The following EYA2 variants were observed in gnomAD, a reference collection of about 807,000 sequenced individuals.
The protein encoded by EYA2 is protein phosphatase EYA2.
EYA2 carries 31 observed loss-of-function variants against 69.2 expected under a neutral mutation model. The observed-to-expected ratio is 0.45, with a 90% CI of 0.34 to 0.60. EYA2 has a LOEUF of 0.60. EYA2 is among the 20% of genes least tolerant of loss of function. EYA2 has a pLI of 0.02. For missense variants in EYA2, 622 were observed against 701.2 expected (o/e 0.89, Z 1.28); for synonymous variants, 257 against 279.4 (o/e 0.92, Z 0.80).
At chr20:46,955,209 T>C (rs1979048515) in intron 1 of EYA2, among the ~76,000 whole-genome samples, 1 of 151,116 alleles carries the variant, frequency 6.6e-6, no homozygotes, top group African/African-American at 2.4e-5. Context: ...CGATCTCGGC[T>C]CACCGCAGCC....
At chr20:47,102,263 C>T (rs1325232054) in intron 9 of EYA2, among the ~76,000 whole-genome samples, 1 of 152,216 alleles carries the variant, frequency 6.6e-6, no homozygotes, top group Non-Finnish European at 1.5e-5. Context: ...ATGCCAACCT[C>T]TGTAGCTCTG....
intron 9 of EYA2, among the ~76,000 whole-genome samples, chr20:47,104,531 C>T (rs1007832530): frequency 1.3e-5 from 2 of 152,106 alleles, no homozygotes; most frequent in African/African-American, 4.8e-5. Context: ...AGATTTACTC[C>T]TGCACTTTTT....
At chr20:47,059,243 A>G (rs879834833) in intron 5 of EYA2, among the ~76,000 whole-genome samples, 17 of 152,254 alleles carry the variant, frequency 1.1e-4, no homozygotes, top group Admixed American at 6.5e-4. Context: ...TTCCTGGGAC[A>G]TAAAGAATCC....
intron 5 of EYA2, among the ~76,000 whole-genome samples, chr20:47,030,868 C>T (rs778835813): frequency 8.5e-5 from 13 of 152,188 alleles, no homozygotes; most frequent in Admixed American, 2.6e-4. Context: ...GCGATCCTCT[C>T]GTCTCAGCCT....
chr20:47,016,608 C>G (rs112627926), intron 5 of EYA2, among the ~76,000 whole-genome samples: 22 of 152,176 alleles, frequency 1.4e-4, no homozygotes, highest in African/African-American at 5.3e-4. Context: ...AGATTTGTGA[C>G]TTTAGATCAA....
chr20:47,172,619 C>T (rs2034343631), intron 11 of EYA2, 88 bp from the exon 12 acceptor site: 24 of 1,445,784 alleles, frequency 1.7e-5, no homozygotes, highest in Non-Finnish European at 1.9e-5. Flanking sequence ...AAAGCCCACC[C>T]GTGGGTCCCA....
intron 5 of EYA2, among the ~76,000 whole-genome samples, chr20:47,067,840 C>T (rs2146465350): frequency 6.6e-6 from 1 of 152,268 alleles, no homozygotes; most frequent in Middle Eastern, 3.4e-3. Context: ...GGTTTTCCTT[C>T]ATTCGAGGAT....
chr20:47,132,773 G>GTATAA (rs759982701), intron 9 of EYA2, among the ~76,000 whole-genome samples: 2 of 152,240 alleles, frequency 1.3e-5, no homozygotes, highest in Non-Finnish European at 2.9e-5. Flanking sequence ...GGCAATGCTT[G>GTATAA]TATAAGGGAG....
chr20:47,068,594 G>A (rs1327199999), intron 5 of EYA2, among the ~76,000 whole-genome samples: 1 of 152,200 alleles, frequency 6.6e-6, no homozygotes, highest in Admixed American at 6.5e-5. Flanking sequence ...CAGACTCTCT[G>A]TGGGAAGGGC....
intron 9 of EYA2, chr20:47,117,790 T>A (rs2032944013): frequency 1.4e-6 from 1 of 724,572 alleles, no homozygotes; most frequent in Non-Finnish European, 1.7e-6. Flanking sequence ...CTTTTCTTCC[T>A]TTTCCCCCTT....
intron 1 of EYA2, among the ~76,000 whole-genome samples, chr20:46,896,115 G>A (rs1983798915): frequency 6.6e-6 from 1 of 152,178 alleles, no homozygotes; most frequent in Non-Finnish European, 1.5e-5. Flanking sequence ...CAGTGGAAGA[G>A]CTGAACATTG....
chr20:47,099,377 A>G (rs1428551746), intron 9 of EYA2, among the ~76,000 whole-genome samples: 1 of 152,228 alleles, frequency 6.6e-6, no homozygotes, highest in Non-Finnish European at 1.5e-5. Flanking sequence ...TAAAAAACTT[A>G]AAAATTAGCC....
chr20:47,091,207 C>A (rs553983526), intron 8 of EYA2, among the ~76,000 whole-genome samples: 37 of 152,190 alleles, frequency 2.4e-4, no homozygotes, highest in Admixed American at 1.9e-3. Flanking sequence ...TTATTAGGGA[C>A]CCTCCACTCC....
At chr20:46,902,561 C>A (rs998954235) in intron 1 of EYA2, among the ~76,000 whole-genome samples, 1 of 152,330 alleles carries the variant, frequency 6.6e-6, no homozygotes, top group East Asian at 1.9e-4. Flanking sequence ...AGCCTGCTCC[C>A]GTGGTATAAC....
intron 1 of EYA2, among the ~76,000 whole-genome samples, chr20:46,936,920 C>T (rs541116158): frequency 4.0e-4 from 61 of 152,268 alleles, no homozygotes; most frequent in Admixed American, 1.8e-3. Flanking sequence ...CAAGCCCGCT[C>T]GGGTCCCAGA....
intron 10 of EYA2, chr20:47,161,726 G>C (rs1043772119): frequency 1.0e-5 from 2 of 194,206 alleles, no homozygotes; most frequent in East Asian, 3.3e-4. Context: ...ATGTTTTCTT[G>C]GAGAAGAAAG....
Position 47,007,048 on chromosome 20 carries a change from G to C in EYA2, c.298+1964G>C, listed in dbSNP as rs74451540. 3.8e-3 allele frequency among the ~76,000 whole-genome samples: 583 copies of C among 152,216 alleles called. 6 individuals carry two copies. Among genetic ancestry groups the C allele is most frequent in the African/African-American group, 0.014 (566 of 41,528 alleles). On this transcript the variant is annotated intron_variant, in intron 4 of 15. Transcript: ENST00000327619. The stretch of plus-strand genomic sequence containing the variant: ...AGGCTCAAGTGATCCTCCCACCTCA[G>C]CCTCCCAAATAGCTCAGACTACAGG...
intron 10 of EYA2, among the ~76,000 whole-genome samples, chr20:47,165,016 G>T (rs1027646619): frequency 2.0e-5 from 3 of 152,192 alleles, no homozygotes; most frequent in Admixed American, 2.0e-4. Context: ...TTTCTGCAAT[G>T]ATAAAATATC....
At chr20:46,959,402 C>A (rs1979331993) in intron 1 of EYA2, among the ~76,000 whole-genome samples, 1 of 152,142 alleles carries the variant, frequency 6.6e-6, no homozygotes. Flanking sequence ...CTGGCCTCTA[C>A]CCTCTGGAAT....
Sources: gnomAD v4.1 joint callset for allele counts (sites outside exome capture counted in the v4.1 genomes callset) on GRCh38, gnomAD v4.1.1 for gene constraint, MANE v1.5 for transcripts, NCBI Gene and HGNC (gene_info 2026-07-23, HGNC 2026-07-21) for gene names.